The following VIPR1 variants were observed in gnomAD, a reference collection of about 807,000 sequenced individuals.
The protein encoded by VIPR1 is vasoactive intestinal polypeptide receptor 1.
In VIPR1, 59 loss-of-function variants were observed where a neutral mutation model predicts 58.8. That is an observed-to-expected ratio of 1.00 (90% CI 0.81 to 1.25). The LOEUF is 1.25. VIPR1 is among the 50% of genes most tolerant of loss of function. VIPR1 has a pLI of 0.00. For synonymous variants in VIPR1, 251 were observed against 242.1 expected, an observed-to-expected ratio of 1.04 and a Z score of -0.34; for missense variants, 626 against 602.7, an observed-to-expected ratio of 1.04 and a Z score of -0.40.
chr3:42,515,331 C>T (rs1214524684), intron 2 of VIPR1, among the ~76,000 whole-genome samples: 1 of 152,210 alleles, frequency 6.6e-6, no homozygotes, highest in African/African-American at 2.4e-5. Flanking sequence ...AACCCCTTGA[C>T]TCTAGGGCCC....
intron 8 of VIPR1, 81 bp from the exon 9 acceptor site, chr3:42,531,722 T>C: frequency 1.3e-6 from 2 of 1,592,238 alleles, no homozygotes; most frequent in Non-Finnish European, 1.7e-6. Flanking sequence ...GGAGCAGAGC[T>C]GGGGACAACT....
intron 1 of VIPR1, among the ~76,000 whole-genome samples, chr3:42,507,623 T>G (rs973609934): frequency 6.6e-6 from 1 of 152,176 alleles, no homozygotes; most frequent in Non-Finnish European, 1.5e-5. Flanking sequence ...GTTCCCTAGG[T>G]GTGGCCAGGA....
At chr3:42,516,882 G>C (rs1378730749) in intron 2 of VIPR1, 1 of 152,252 alleles carries the variant, frequency 6.6e-6, no homozygotes, top group Non-Finnish European at 1.5e-5. Flanking sequence ...AAAGAGGTTA[G>C]AACAGTGCCT....
At chr3:42,504,592 G>A (rs1182415345) in intron 1 of VIPR1, among the ~76,000 whole-genome samples, 1 of 151,980 alleles carries the variant, frequency 6.6e-6, no homozygotes, top group East Asian at 1.9e-4. Flanking sequence ...CAGTGCAGGG[G>A]CTGGGTCCAC....
chr3:42,504,800 A>C (rs1700035728), intron 1 of VIPR1, among the ~76,000 whole-genome samples: 1 of 151,480 alleles, frequency 6.6e-6, no homozygotes, highest in Admixed American at 6.6e-5. Flanking sequence ...AGAGTCATAA[A>C]ATGGCAGCTG....
chr3:42,535,858 G>A (rs934953374), intron 12 of VIPR1, among the ~76,000 whole-genome samples: 2 of 152,114 alleles, frequency 1.3e-5, no homozygotes, highest in South Asian at 2.1e-4. Flanking sequence ...TCCCTGGACT[G>A]TATTCTAGGA....
intron 2 of VIPR1, among the ~76,000 whole-genome samples, chr3:42,518,833 G>T: frequency 6.6e-6 from 1 of 152,228 alleles, no homozygotes; most frequent in East Asian, 1.9e-4. Flanking sequence ...ATGCCCAGTG[G>T]CTCATCTGGA....
At chr3:42,531,292 C>G (rs1384115994) in intron 7 of VIPR1, 179 bp from the exon 8 acceptor site, 1 of 668,756 alleles carries the variant, frequency 1.5e-6, no homozygotes, top group Non-Finnish European at 2.6e-6. Context: ...ACAGCTTCAC[C>G]CCCTCAGTGG....
chr3:42,502,165 G>A (rs534933574), upstream of VIPR1: 8 of 152,426 alleles, frequency 5.2e-5, no homozygotes, highest in African/African-American at 1.7e-4. Context: ...CGCAGCCTGG[G>A]AAGATAAGTG....
At chr3:42,534,774 T>TG (rs1208052624) in intron 10 of VIPR1, 1 of 598,544 alleles carries the variant, frequency 1.7e-6, no homozygotes, top group African/African-American at 1.9e-5. Context: ...CCAGGAGGGC[T>TG]GGGGGCAGAA....
At chr3:42,508,498 G>C (rs997665990) in intron 1 of VIPR1, among the ~76,000 whole-genome samples, 9 of 152,166 alleles carry the variant, frequency 5.9e-5, no homozygotes, top group African/African-American at 2.2e-4. Context: ...GTAAAATATA[G>C]AAATCTGAAT....
chr3:42,519,409 C>T (rs1700801048), intron 3 of VIPR1, 79 bp downstream of exon 3: 1 of 1,325,522 alleles, frequency 7.5e-7, no homozygotes, highest in East Asian at 2.7e-5. Flanking sequence ...AGTGGAAAGG[C>T]AAAGGAAAGT....
chr3:42,495,311 C>T (rs956370994), intron 1 of VIPR1, among the ~76,000 whole-genome samples: 11 of 152,160 alleles, frequency 7.2e-5, no homozygotes, highest in South Asian at 2.1e-4. Context: ...TTAGTAGAGA[C>T]GGGGTTTCAC....
Position 42,519,299 on chromosome 3 carries a change from C to T in VIPR1, c.261C>T (p.Pro87=). The change falls in exon 3 of 13, where the codon CCC becomes CCT. Residue 87 remains proline (P), a synonymous_variant. Coordinates refer to ENST00000325123, the MANE Select transcript of VIPR1 (RefSeq NM_004624.4). ...GCCAGGTAGTTGTCTTGGCCTGTCCCCTCATCTTCAAGCTCTTCTCCTCCA... is the reference window on the plus strand; with the variant it reads ...GCCAGGTAGTTGTCTTGGCCTGTCCTCTCATCTTCAAGCTCTTCTCCTCCA... The part of the protein sequence containing the change: ...PRGQVVVLAC[P]LIFKLFSSIQ... The T allele has an allele frequency of 6.2e-7, 1 of 1,610,488 alleles. No homozygotes were observed. Among genetic ancestry groups the T allele is most frequent in the Non-Finnish European group, 8.5e-7 (1 of 1,178,412 alleles).
At chr3:42,529,267 C>T (rs1480470525) in intron 6 of VIPR1, 1 of 151,908 alleles carries the variant, frequency 6.6e-6, no homozygotes, top group Non-Finnish European at 1.5e-5. Flanking sequence ...ACCAGCCTGA[C>T]CAACATGGTG....
intron 3 of VIPR1, among the ~76,000 whole-genome samples, chr3:42,522,972 T>G (rs994607464): frequency 2.6e-5 from 4 of 152,066 alleles, no homozygotes; most frequent in African/African-American, 9.7e-5. Context: ...CTTGTTCAGG[T>G]GAAGCCCAGC....
intron 5 of VIPR1, 146 bp from the exon 6 acceptor site, chr3:42,527,845 C>T: frequency 8.3e-7 from 1 of 1,210,000 alleles, no homozygotes. Flanking sequence ...GCTCGTATTT[C>T]AGGATGGGAT....
At chr3:42,518,726 C>A (rs938599765) in intron 2 of VIPR1, among the ~76,000 whole-genome samples, 1 of 117,508 alleles carries the variant, frequency 8.5e-6, no homozygotes, top group Non-Finnish European at 1.6e-5. Flanking sequence ...AGTGAGACTC[C>A]ATCTCAAAAA....
In VIPR1 at chr3:42,536,250, C is replaced by T; in HGVS notation, c.1343C>T (p.Ser448Phe). 2 of 1,584,126 alleles carry T rather than the reference C, an allele frequency of 1.3e-6. No individual in the cohort carries two copies. The highest frequency in any genetic ancestry group is 1.7e-6 in the Non-Finnish European group (2 of 1,170,158). The change falls in exon 13 of 13, where the codon TCC becomes TTC. Residue 448 changes from serine to phenylalanine, a missense_variant. By Grantham distance (155) the Ser-to-Phe change is radical. Coordinates refer to ENST00000325123, the MANE Select transcript of VIPR1 (RefSeq NM_004624.4). ...GTCAGCCCAGGTGCCCGCCGCTCCT[C>T]CAGCTTCCAAGCCGAAGTCTCCCTG... ...TRVSPGARRS[S>F]SFQAEVSLV is the part of the protein sequence containing the mutation.
Sources: allele counts gnomAD v4.1 joint callset (sites outside exome capture counted in the v4.1 genomes callset), GRCh38; gene constraint gnomAD v4.1.1; transcripts MANE v1.5; gene names NCBI Gene and HGNC (gene_info 2026-07-23, HGNC 2026-07-21).